GRID2: variants seen among roughly 807,000 people sequenced by gnomAD.
GRID2 encodes the protein glutamate receptor ionotropic, delta-2.
A neutral mutation model predicts 114.8 loss-of-function variants in GRID2; 33 were observed. The observed-to-expected ratio is 0.29, with a 90% confidence interval of 0.22 to 0.38. GRID2 has a LOEUF of 0.38. Ranked by LOEUF, GRID2 falls within the 10% of genes least tolerant of loss-of-function variation. GRID2 has a pLI of 1.00. For synonymous variants in GRID2, 505 were observed against 449.9 expected (o/e 1.12, Z -1.55); for missense variants, 1,184 against 1,257.7 (o/e 0.94, Z 0.89).
At chr4:92,619,609 C>G (rs1470437324) in intron 2 of GRID2, among the ~76,000 whole-genome samples, 1 of 151,582 alleles carries the variant, frequency 6.6e-6, no homozygotes, top group South Asian at 2.1e-4. Context: ...CAAATCAGCT[C>G]CCCTCCCAAC....
intron 1 of GRID2, among the ~76,000 whole-genome samples, chr4:92,449,693 A>ATG (rs1720794445): frequency 7.1e-6 from 1 of 141,680 alleles, no homozygotes; most frequent in African/African-American, 2.6e-5. Flanking sequence ...ATATATATAT[A>ATG]TATATATATA....
intron 14 of GRID2, among the ~76,000 whole-genome samples, chr4:93,703,339 A>G (rs959988331): frequency 2.0e-5 from 3 of 152,164 alleles, no homozygotes; most frequent in Non-Finnish European, 4.4e-5. Flanking sequence ...AAGTGTAATA[A>G]TCACATCAGG....
intron 2 of GRID2, among the ~76,000 whole-genome samples, chr4:92,933,829 A>G (rs752241287): frequency 3.3e-5 from 5 of 151,644 alleles, no homozygotes; most frequent in Admixed American, 6.6e-5. Flanking sequence ...TTATGCTTCA[A>G]AAGCCCCCTA....
intron 8 of GRID2, among the ~76,000 whole-genome samples, chr4:93,276,284 C>T (rs749866917): frequency 5.3e-5 from 8 of 151,914 alleles, no homozygotes; most frequent in Non-Finnish European, 1.2e-4. Flanking sequence ...TATTTCTGAA[C>T]TCTTAATTCA....
chr4:92,473,062 T>G (rs1211670324), intron 1 of GRID2, among the ~76,000 whole-genome samples: 1 of 152,086 alleles, frequency 6.6e-6, no homozygotes, highest in Non-Finnish European at 1.5e-5. Context: ...GTGAATGATT[T>G]TGGGTTATTT....
At chr4:92,385,952 A>G (rs1405236993) in intron 1 of GRID2, among the ~76,000 whole-genome samples, 3 of 148,796 alleles carry the variant, frequency 2.0e-5, no homozygotes, top group African/African-American at 7.4e-5. Context: ...TTGCCCTTGA[A>G]ATAAGTCCTC....
chr4:92,665,940 A>C (rs966846113), intron 2 of GRID2, among the ~76,000 whole-genome samples: 3 of 151,366 alleles, frequency 2.0e-5, no homozygotes, highest in Non-Finnish European at 3.0e-5. Context: ...AAAGTTCTTG[A>C]ATGTTTATAT....
chr4:92,883,000 A>G (rs1746130261), intron 2 of GRID2, among the ~76,000 whole-genome samples: 1 of 152,180 alleles, frequency 6.6e-6, no homozygotes, highest in Non-Finnish European at 1.5e-5. Context: ...GAAGTTTGCC[A>G]CATTGATTGA....
At chr4:93,573,740 C>A (rs1268571123) in intron 13 of GRID2, among the ~76,000 whole-genome samples, 1 of 152,010 alleles carries the variant, frequency 6.6e-6, no homozygotes, top group African/African-American at 2.4e-5. Context: ...CATAGATATC[C>A]TTCTTAATAA....
intron 1 of GRID2, among the ~76,000 whole-genome samples, chr4:92,310,065 A>G (rs1324924164): frequency 6.6e-6 from 1 of 151,990 alleles, no homozygotes; most frequent in Non-Finnish European, 1.5e-5. Context: ...TTTATGAATG[A>G]CCATATATGT....
At chr4:92,921,139 G>T (rs922516480) in intron 2 of GRID2, among the ~76,000 whole-genome samples, 1 of 151,740 alleles carries the variant, frequency 6.6e-6, no homozygotes, top group East Asian at 1.9e-4. Flanking sequence ...AGTTGATCGC[G>T]TCGGCTACTG....
intron 2 of GRID2, among the ~76,000 whole-genome samples, chr4:93,052,416 A>G (rs1201622675): frequency 1.3e-5 from 2 of 151,914 alleles, no homozygotes; most frequent in African/African-American, 2.4e-5. Context: ...TATAAAGTCT[A>G]TTTACACAAA....
chr4:92,745,337 GTTGAA>G (rs1238090668), intron 2 of GRID2, among the ~76,000 whole-genome samples: 1 of 152,070 alleles, frequency 6.6e-6, no homozygotes, highest in Admixed American at 6.5e-5. Flanking sequence ...ATTTCCCTTT[GTTGAA>G]TTGATCATAA....
intron 13 of GRID2, among the ~76,000 whole-genome samples, chr4:93,584,118 A>C (rs1737289546): frequency 6.6e-6 from 1 of 152,160 alleles, no homozygotes; most frequent in Non-Finnish European, 1.5e-5. Context: ...TTCTGAGTAA[A>C]ATATATCTAG....
intron 4 of GRID2, among the ~76,000 whole-genome samples, chr4:93,184,679 C>T (rs1252219228): frequency 2.6e-5 from 4 of 151,960 alleles, no homozygotes; most frequent in African/African-American, 7.2e-5. Flanking sequence ...GTCAGGAGTT[C>T]GAGACCAGCC....
At chr4:93,249,305 A>G (rs1002182085) in intron 8 of GRID2, among the ~76,000 whole-genome samples, 1 of 152,014 alleles carries the variant, frequency 6.6e-6, no homozygotes, top group African/African-American at 2.4e-5. Flanking sequence ...TCAGGTAGCA[A>G]GATGCCTCCA....
intron 1 of GRID2, among the ~76,000 whole-genome samples, chr4:92,391,844 G>A (rs1292539313): frequency 6.6e-6 from 1 of 152,088 alleles, no homozygotes; most frequent in African/African-American, 2.4e-5. Context: ...TGCTATACAA[G>A]ACTAGCTCAC....
At chr4:93,746,434 C>T (rs993505889) in intron 14 of GRID2, among the ~76,000 whole-genome samples, 15 of 152,072 alleles carry the variant, frequency 9.9e-5, no homozygotes, top group African/African-American at 3.6e-4. Context: ...TGGTTAAGCA[C>T]TAGTTTCAAA....
chr4:93,701,274 G>A lies in GRID2; in HGVS notation c.2361-67936G>A, dbSNP rs185426053. Among the ~76,000 whole-genome samples the A allele has an allele frequency of 5.3e-4, 80 of 152,256 alleles. 1 individual carries two copies. The highest frequency in any genetic ancestry group is 6.5e-4 in the Admixed American group (10 of 15,274). On this transcript the variant is annotated intron_variant, in intron 14 of 15. Coordinates refer to ENST00000282020, the MANE Select transcript of GRID2 (RefSeq NM_001510.4). ...ACTTTATTTCTAAAAAAGTTGGAAC[G>A]AGTTTAGAGCTAACGCTTCCAGTGC...
Sources: allele counts gnomAD v4.1 joint callset (sites outside exome capture counted in the v4.1 genomes callset), GRCh38; gene constraint gnomAD v4.1.1; transcripts MANE v1.5; gene names NCBI Gene and HGNC (gene_info 2026-07-23, HGNC 2026-07-21).